Variants in SAP130 observed in about 807,000 individuals in gnomAD.
SAP130 encodes the protein histone deacetylase complex subunit SAP130.
A neutral mutation model predicts 103.2 loss-of-function variants in SAP130; 16 were observed. That is an observed-to-expected ratio of 0.16 (90% confidence interval 0.10 to 0.24). SAP130 has a LOEUF of 0.24. Ranked by LOEUF, SAP130 falls within the 10% of genes least tolerant of loss-of-function variation. The pLI is 1.00. For missense variants in SAP130, 990 were observed against 1,359.7 expected, an observed-to-expected ratio of 0.73 and a Z score of 4.28; for synonymous variants, 477 against 497.0, an observed-to-expected ratio of 0.96 and a Z score of 0.53.
At chr2:128,005,723 T>C (rs1683922547) in intron 7 of SAP130, among the ~76,000 whole-genome samples, 1 of 151,788 alleles carries the variant, frequency 6.6e-6, no homozygotes. Context: ...CTTGGCTCAC[T>C]GCAACCTCCG....
At chr2:128,023,114 C>G (rs994462537) in intron 2 of SAP130, among the ~76,000 whole-genome samples, 1 of 152,102 alleles carries the variant, frequency 6.6e-6, no homozygotes, top group Non-Finnish European at 1.5e-5. Flanking sequence ...CCTGCCTCAG[C>G]CTCCCGATTA....
intron 14 of SAP130, among the ~76,000 whole-genome samples, chr2:127,985,970 G>A (rs910107283): frequency 5.3e-5 from 8 of 152,106 alleles, no homozygotes; most frequent in Non-Finnish European, 1.5e-5. Context: ...GCAGAACGAC[G>A]CAGTTTGGCC....
intron 15 of SAP130, among the ~76,000 whole-genome samples, chr2:127,974,283 A>T (rs1267663247): frequency 6.6e-6 from 1 of 152,194 alleles, no homozygotes; most frequent in African/African-American, 2.4e-5. Context: ...AAGGCTTCTG[A>T]ATAGCCCACA....
intron 3 of SAP130, 83 bp from the exon 4 acceptor site, chr2:128,016,630 C>T (rs1684807951): frequency 3.4e-6 from 5 of 1,452,432 alleles, no homozygotes; most frequent in Admixed American, 4.6e-5. Flanking sequence ...GTGCACAAAT[C>T]GAACCTGGAA....
intron 7 of SAP130, among the ~76,000 whole-genome samples, chr2:128,002,491 T>C (rs1424849289): frequency 6.6e-6 from 1 of 152,024 alleles, no homozygotes; most frequent in Admixed American, 6.6e-5. Flanking sequence ...ATTGTACCAC[T>C]GCACTCTAGC....
intron 7 of SAP130, among the ~76,000 whole-genome samples, chr2:128,003,114 TGA>T (rs1014684283): frequency 8.6e-5 from 13 of 150,582 alleles, no homozygotes; most frequent in Non-Finnish European, 1.3e-4. Context: ...GGGCGACACA[TGA>T]GAGGGTCTCA....
intron 15 of SAP130, 135 bp downstream of exon 15, chr2:127,977,850 G>T: frequency 1.5e-6 from 1 of 664,270 alleles, no homozygotes; most frequent in South Asian, 1.8e-5. Flanking sequence ...TATGATGGCG[G>T]CTGAGAATAG....
At chr2:128,018,885 C>T (rs1684966892) in intron 2 of SAP130, among the ~76,000 whole-genome samples, 1 of 151,840 alleles carries the variant, frequency 6.6e-6, no homozygotes, top group African/African-American at 2.4e-5. Flanking sequence ...CATTTGAAGT[C>T]AGGAGTTCCA....
chr2:127,996,483 C>T lies in SAP130; in HGVS notation c.1222G>A (p.Val408Met). The change falls in exon 11 of 21, where the codon GTG becomes ATG. Residue 408 changes from valine (V) to methionine (M), a missense_variant. Val to Met is a conservative substitution (Grantham distance 21). Coordinates refer to ENST00000643581, the MANE Select transcript of SAP130 (RefSeq NM_001330301.2). The surrounding 1 kb of genome is among the most constrained non-coding windows in gnomAD (Gnocchi z 4.3). ...GAAGTGTGCGTGATCTGCTGGGGCA[C>T]CACCTTGGCTGCAAACAGTAAATGC... ...TTSNIPVAKV[V>M]PQQITHTSPR... 3 of 1,555,874 alleles carry T rather than the reference C, an allele frequency of 1.9e-6. No individual in the cohort carries two copies. Among genetic ancestry groups the T allele is most frequent in the Non-Finnish European group, 2.6e-6 (3 of 1,148,358 alleles).
intron 12 of SAP130, among the ~76,000 whole-genome samples, chr2:127,991,975 C>CT (rs1202057990): frequency 6.6e-6 from 1 of 152,052 alleles, no homozygotes; most frequent in Non-Finnish European, 1.5e-5. Flanking sequence ...TTTCTTTTGT[C>CT]TTTTTTGTTT....
chr2:127,961,777 A>G (rs1370394813), intron 15 of SAP130, among the ~76,000 whole-genome samples: 1 of 152,154 alleles, frequency 6.6e-6, no homozygotes, highest in East Asian at 1.9e-4. Context: ...TCAGAGCCAG[A>G]CTTCCCAAAG....
intron 7 of SAP130, among the ~76,000 whole-genome samples, chr2:128,009,613 C>G (rs1012019612): frequency 6.6e-6 from 1 of 152,186 alleles, no homozygotes; most frequent in Non-Finnish European, 1.5e-5. Flanking sequence ...AGCAACCAGG[C>G]TGAACCAACT....
At chr2:128,010,892 C>T (rs980149883) in intron 6 of SAP130, among the ~76,000 whole-genome samples, 4 of 139,314 alleles carry the variant, frequency 2.9e-5, no homozygotes, top group Non-Finnish European at 4.6e-5. Flanking sequence ...AAAAAAAAGA[C>T]TAAGAGTCAG....
chr2:127,999,678 GCCTA>G, intron 10 of SAP130, 59 bp downstream of exon 10: 2 of 821,236 alleles, frequency 2.4e-6, no homozygotes, highest in Non-Finnish European at 3.7e-6. Context: ...CACCATGAAG[GCCTA>G]GTCTGAGGGG....
intron 14 of SAP130, 95 bp from the exon 15 acceptor site, chr2:127,978,184 C>G: frequency 1.2e-6 from 1 of 831,900 alleles, no homozygotes; most frequent in Non-Finnish European, 2.0e-6. Flanking sequence ...ATACCTAGGA[C>G]AAAATAAAGC....
At chr2:128,023,692 G>A (rs1685301795) in intron 2 of SAP130, among the ~76,000 whole-genome samples, 1 of 152,104 alleles carries the variant, frequency 6.6e-6, no homozygotes, top group Admixed American at 6.5e-5. Flanking sequence ...AGGCAGAATG[G>A]TGTGAACCTG....
intron 1 of SAP130, among the ~76,000 whole-genome samples, chr2:128,027,640 C>T (rs1685621366): frequency 6.8e-6 from 1 of 147,950 alleles, no homozygotes; most frequent in Non-Finnish European, 1.5e-5. Flanking sequence ...CCCGCCCGCC[C>T]GCCCGCGCTC....
chr2:127,950,444 A>G (rs1430140286), intron 16 of SAP130, 36 bp from the exon 17 acceptor site: 2 of 1,608,062 alleles, frequency 1.2e-6, no homozygotes, highest in Admixed American at 1.7e-5. Flanking sequence ...ATCTGTAAGA[A>G]CTCAAAGATA....
At chr2:128,019,257 T>A (rs1044158319) in intron 2 of SAP130, among the ~76,000 whole-genome samples, 15 of 150,546 alleles carry the variant, frequency 1.0e-4, no homozygotes, top group African/African-American at 2.9e-4. Context: ...TATTTAAAAA[T>A]TTTTTTTAAT....
Sources: allele counts gnomAD v4.1 joint callset (sites outside exome capture counted in the v4.1 genomes callset), GRCh38; gene constraint gnomAD v4.1.1; non-coding constraint Gnocchi (gnomAD v3.1); transcripts MANE v1.5; gene names NCBI Gene and HGNC (gene_info 2026-07-23, HGNC 2026-07-21).